Variants in PAPOLG observed in about 807,000 individuals in gnomAD.
PAPOLG encodes poly(A) polymerase gamma, also known as PAP-gamma.
A neutral mutation model predicts 99.0 loss-of-function variants in PAPOLG; 40 were observed. The ratio of observed to expected loss-of-function variants is 0.40; its 90% CI spans 0.31 to 0.53. The LOEUF is 0.53. Among genes scored for constraint, PAPOLG ranks in the 20% least tolerant of loss-of-function variants. PAPOLG has a pLI of 0.41. For synonymous variants in PAPOLG, 310 were observed against 299.3 expected, an observed-to-expected ratio of 1.04 and a Z score of -0.37; for missense variants, 675 against 884.1, an observed-to-expected ratio of 0.76 and a Z score of 3.00.
At chr2:60,775,253 A>C in intron 8 of PAPOLG, 130 bp downstream of exon 8, 1 of 1,095,294 alleles carries the variant, frequency 9.1e-7, no homozygotes, top group Non-Finnish European at 1.3e-6. Flanking sequence ...ACTCTGTAAT[A>C]GCTATTTGCT....
chr2:60,794,645 T>C, intron 19 of PAPOLG, 65 bp from the exon 20 acceptor site: 3 of 1,360,340 alleles, frequency 2.2e-6, no homozygotes, highest in Non-Finnish European at 3.1e-6. Flanking sequence ...TTTTCCAGTT[T>C]ATATAGATTT....
chr2:60,786,819 C>A (rs971812539), intron 13 of PAPOLG, 128 bp from the exon 14 acceptor site: 2 of 1,125,224 alleles, frequency 1.8e-6, no homozygotes, highest in Non-Finnish European at 1.2e-6. Flanking sequence ...TGTGAGCCAC[C>A]ATGCCCAGCC....
In PAPOLG at chr2:60,795,030, T is replaced by C; in HGVS notation, c.2112+10T>C. On this transcript the variant is annotated intron_variant, in intron 21 of 21. Transcript: ENST00000238714. The stretch of plus-strand genomic sequence containing the variant: ...TACATCACGCAAAAAGGTAACAAGA[T>C]AGTCTTGTTCATAGGTACAGTACAT... 6.3e-7 allele frequency: 1 copy of C among 1,597,698 alleles called. No homozygotes were observed. The highest frequency in any genetic ancestry group is 8.6e-7 in the Non-Finnish European group (1 of 1,165,514).
rs975809107 is a variant in PAPOLG at position 60,792,164 on chromosome 2, A to G, written c.1554A>G (p.Gly518=). The G allele has an allele frequency of 1.3e-6, 2 of 1,594,192 alleles. No individual in the cohort carries two copies. The highest frequency in any genetic ancestry group is 2.7e-5 in the African/African-American group (2 of 73,496). The stretch of plus-strand genomic sequence containing the variant: ...CTGATGTCAATCGAAGCTCGGGCGG[A>G]CTTCAATCCAAAAGATTGTCTCTGG... ...SLSDVNRSSG[G]LQSKRLSLDS... The change falls in exon 17 of 22, where the codon GGA becomes GGG. Residue 518 remains glycine, a synonymous_variant. Transcript: ENST00000238714.
chr2:60,783,604 G>A (rs1354037852), intron 13 of PAPOLG, among the ~76,000 whole-genome samples: 2 of 142,230 alleles, frequency 1.4e-5, no homozygotes, highest in Non-Finnish European at 3.0e-5. Flanking sequence ...TCCGCCTCCT[G>A]GGTTCAAGTG....
At chr2:60,787,794 G>A (rs747174726) in intron 15 of PAPOLG, among the ~76,000 whole-genome samples, 174 bp downstream of exon 15, 3 of 152,220 alleles carry the variant, frequency 2.0e-5, no homozygotes, top group Non-Finnish European at 2.9e-5. Context: ...GCTAATGCCT[G>A]TAATCCCAGC....
intron 2 of PAPOLG, among the ~76,000 whole-genome samples, chr2:60,760,864 TAAA>T (rs1280186915): frequency 4.6e-5 from 7 of 152,292 alleles, no homozygotes; most frequent in South Asian, 4.1e-4. Context: ...CATGATGACT[TAAA>T]AAAGTTTTAA....
intron 13 of PAPOLG, among the ~76,000 whole-genome samples, chr2:60,783,666 A>G (rs550776990): frequency 6.6e-6 from 1 of 150,904 alleles, no homozygotes; most frequent in African/African-American, 2.4e-5. Context: ...GTGCACTTCT[A>G]TGCCCTGTGG....
intron 21 of PAPOLG, among the ~76,000 whole-genome samples, chr2:60,796,657 T>C (rs1289882365): frequency 1.3e-5 from 2 of 152,154 alleles, no homozygotes; most frequent in Admixed American, 1.3e-4. Flanking sequence ...AATTTTTCTC[T>C]ACTGCACACA....
At chr2:60,773,252 C>T (rs957914578) in intron 7 of PAPOLG, among the ~76,000 whole-genome samples, 4 of 152,120 alleles carry the variant, frequency 2.6e-5, no homozygotes, top group African/African-American at 9.7e-5. Context: ...CACTACAATC[C>T]AATGTTAGAA....
At position 60,770,483 on chromosome 2, in the gene PAPOLG, T is replaced by A. The variant is rs1670818139; in HGVS notation, c.464T>A (p.Val155Asp). 1 of 1,596,838 alleles carries A rather than the reference T, an allele frequency of 6.3e-7. No individual in the cohort carries two copies. Residue 155 changes from valine (V) to aspartate (D), a missense_variant, in exon 6 of 22, where the codon GTT (valine) becomes GAT (aspartate). Transcript: ENST00000238714. Reference protein sequence around the residue: ...LRAVEDAFVPVIKFEFDGIEI... With the variant: ...LRAVEDAFVPDIKFEFDGIEI... Reference sequence around the variant, plus strand: ...GCTGTAGAAGATGCCTTTGTACCTGTTATAAAATTTGAATTTGATGGTATT... The same window carrying A: ...GCTGTAGAAGATGCCTTTGTACCTGATATAAAATTTGAATTTGATGGTATT...
intron 11 of PAPOLG, 168 bp from the exon 12 acceptor site, chr2:60,782,518 C>T (rs1349922070): frequency 2.3e-6 from 2 of 856,230 alleles, no homozygotes; most frequent in Non-Finnish European, 2.8e-6. Flanking sequence ...GATAGATCCA[C>T]CACACTCCAG....
chr2:60,791,117 G>A (rs1322213206), intron 15 of PAPOLG, among the ~76,000 whole-genome samples: 1 of 152,034 alleles, frequency 6.6e-6, no homozygotes, highest in Non-Finnish European at 1.5e-5. Flanking sequence ...GCTTAGACCT[G>A]GGCAAGTAGT....
At chr2:60,759,861 G>A (rs537940124) in intron 1 of PAPOLG, among the ~76,000 whole-genome samples, 3 of 152,322 alleles carry the variant, frequency 2.0e-5, no homozygotes, top group Admixed American at 1.3e-4. Context: ...GAGCTGAGTG[G>A]TGTTGGTACA....
chr2:60,770,915 G>A (rs774558799), intron 6 of PAPOLG, among the ~76,000 whole-genome samples: 4 of 152,060 alleles, frequency 2.6e-5, no homozygotes, highest in Non-Finnish European at 4.4e-5. Flanking sequence ...GAGCCACCGC[G>A]CCTGGCCCAT....
At chr2:60,758,422 ATTT>A (rs11340370) in intron 1 of PAPOLG, among the ~76,000 whole-genome samples, 17 of 70,074 alleles carry the variant, frequency 2.4e-4, no homozygotes, top group African/African-American at 9.7e-4. Flanking sequence ...GCCTAATGAG[ATTT>A]TTTTTTTTTT....
At position 60,794,731 on chromosome 2, in the gene PAPOLG, T is replaced by G. The variant is rs948404772; in HGVS notation, c.2011T>G (p.Phe671Val). The G allele has an allele frequency of 6.2e-7, 1 of 1,611,484 alleles. No homozygotes were observed. The highest frequency in any genetic ancestry group is 1.3e-5 in the African/African-American group (1 of 74,860). Residue 671 changes from phenylalanine to valine, a missense_variant, in exon 20 of 22, where the codon TTT (phenylalanine) becomes GTT (valine). Phe to Val is a conservative substitution (Grantham distance 50, BLOSUM62 -1). This residue lies in a region of PAPOLG where 413 missense variants were observed against 460.5 expected (regional missense o/e 0.90). Coordinates refer to ENST00000238714, the MANE Select transcript of PAPOLG (RefSeq NM_022894.4). ...VEKFIRLEST[F>V]KDPRTAEERK... ...TTAGTTTATTCGACTTGAATCAACATTTAAGGACCCCCGCACTGCTGAAGA... is the reference window on the plus strand; with the variant it reads ...TTAGTTTATTCGACTTGAATCAACAGTTAAGGACCCCCGCACTGCTGAAGA...
Position 60,775,051 on chromosome 2 carries a change from G to C in PAPOLG, c.622G>C (p.Glu208Gln). 1 of 1,613,238 alleles carries C rather than the reference G, an allele frequency of 6.2e-7. No homozygotes were observed. Among genetic ancestry groups the C allele is most frequent in the Non-Finnish European group, 8.5e-7 (1 of 1,179,740 alleles). ...TTTTTCAGGTTGTAGAGTTACTGAT[G>C]AAATTTTGCATTTAGTGCCAAATAA... ...RSLNGCRVTD[E>Q]ILHLVPNKET... The change falls in exon 8 of 22, where the codon GAA becomes CAA. Residue 208 changes from glutamate (E) to glutamine (Q), a missense_variant. Glu to Gln is a conservative substitution (Grantham distance 29). Transcript: ENST00000238714.
At chr2:60,792,545 G>T (rs1671572504) in intron 17 of PAPOLG, among the ~76,000 whole-genome samples, 1 of 152,060 alleles carries the variant, frequency 6.6e-6, no homozygotes. Flanking sequence ...CTTCTTACTG[G>T]GTCCTCTGCA....
Sources: allele counts gnomAD v4.1 joint callset (sites outside exome capture counted in the v4.1 genomes callset), GRCh38; gene constraint gnomAD v4.1.1; regional missense constraint gnomAD v4.1.1; transcripts MANE v1.5; gene names NCBI Gene and HGNC (gene_info 2026-07-23, HGNC 2026-07-21).